The following UBE2H variants were observed in gnomAD, a reference collection of about 807,000 sequenced individuals.
UBE2H encodes the protein ubiquitin conjugating enzyme E2 H, also known as ubiquitin-conjugating enzyme E2 H.
In UBE2H, 3 loss-of-function variants were observed where a neutral mutation model predicts 29.0. That is an observed-to-expected ratio of 0.10 (90% CI 0.05 to 0.27). The LOEUF is 0.27. Ranked by LOEUF, UBE2H falls within the 10% of genes least tolerant of loss-of-function variation. The probability of loss-of-function intolerance (pLI) is 1.00; values close to 1 mark genes in which losing one functional copy is unlikely to be tolerated. For missense variants in UBE2H, 68 were observed against 228.2 expected (o/e 0.30, Z 4.52); for synonymous variants, 69 against 82.9 (o/e 0.83, Z 0.91).
At chr7:129,853,113 G>C (rs1374772862) in intron 5 of UBE2H, among the ~76,000 whole-genome samples, 2 of 152,128 alleles carry the variant, frequency 1.3e-5, no homozygotes, top group African/African-American at 4.8e-5. Flanking sequence ...CATTTGCAGG[G>C]ATCAAGCATG....
intron 1 of UBE2H, among the ~76,000 whole-genome samples, chr7:129,920,004 C>T (rs1327006024): frequency 6.6e-6 from 1 of 151,930 alleles, no homozygotes. Context: ...TTTCATCTCT[C>T]GCCAAGCTGA....
chr7:129,919,670 C>T (rs1434240489), intron 1 of UBE2H, among the ~76,000 whole-genome samples: 2 of 152,178 alleles, frequency 1.3e-5, no homozygotes, highest in Non-Finnish European at 2.9e-5. Flanking sequence ...CACATTGCAC[C>T]CCGTTGTGTG....
intron 1 of UBE2H, among the ~76,000 whole-genome samples, chr7:129,904,930 G>A (rs1188058019): frequency 6.6e-6 from 1 of 152,046 alleles, no homozygotes; most frequent in Non-Finnish European, 1.5e-5. Flanking sequence ...AAGAGGTGGT[G>A]ATGCTGGCTA....
chr7:129,879,266 TG>T (rs1477596126), intron 3 of UBE2H, among the ~76,000 whole-genome samples: 1 of 152,346 alleles, frequency 6.6e-6, no homozygotes, highest in East Asian at 1.9e-4. Flanking sequence ...ACTTAAGATA[TG>T]TTTATTATTT....
At chr7:129,878,275 C>T (rs545083839) in intron 3 of UBE2H, among the ~76,000 whole-genome samples, 15 of 152,240 alleles carry the variant, frequency 9.9e-5, no homozygotes, top group African/African-American at 3.1e-4. Context: ...CCATTCACAA[C>T]GCTGAAACTT....
At chr7:129,945,210 A>T (rs1375219635) in intron 1 of UBE2H, among the ~76,000 whole-genome samples, 1 of 152,232 alleles carries the variant, frequency 6.6e-6, no homozygotes, top group African/African-American at 2.4e-5. Context: ...TGATACATAA[A>T]ATTAAAACTT....
rs1157734822 is a variant in UBE2H, at chr7:129,952,864, C to T, written c.-309G>A. The T allele has an allele frequency of 4.4e-6, 1 of 225,354 alleles. No homozygotes were observed. The highest frequency in any genetic ancestry group is 8.6e-6 in the Non-Finnish European group (1 of 116,548). 14.0% of individuals were successfully genotyped at this position (225,354 alleles called of 1,614,324 possible). ...TCCCTCCTGCCTGCTGTGGCTCGCT[C>T]GCCTGCTCCCCACTCACCCTCTGAC... On this transcript the variant is annotated 5_prime_UTR_variant, in exon 1 of 7. Coordinates refer to ENST00000355621, the MANE Select transcript of UBE2H (RefSeq NM_003344.4).
At chr7:129,886,130 C>T (rs1479137373) in intron 1 of UBE2H, among the ~76,000 whole-genome samples, 2 of 152,154 alleles carry the variant, frequency 1.3e-5, no homozygotes, top group Non-Finnish European at 2.9e-5. Flanking sequence ...CTGGTAAAAA[C>T]TCATTAAATA....
At chr7:129,879,674 T>G (rs1277511935) in intron 2 of UBE2H, 32 bp from the exon 3 acceptor site, 2 of 1,550,738 alleles carry the variant, frequency 1.3e-6, no homozygotes, top group East Asian at 4.5e-5. Flanking sequence ...TCATCAGAAC[T>G]ACATCTCCAA....
intron 1 of UBE2H, among the ~76,000 whole-genome samples, chr7:129,882,328 C>T (rs1806272186): frequency 1.3e-5 from 2 of 152,178 alleles, no homozygotes; most frequent in Admixed American, 1.3e-4. Context: ...AGATTGGTCT[C>T]ATATTTCTCC....
chr7:129,934,991 ATG>A (rs1259308322), intron 1 of UBE2H, among the ~76,000 whole-genome samples: 13 of 150,860 alleles, frequency 8.6e-5, no homozygotes, highest in African/African-American at 2.2e-4. Flanking sequence ...GTGTATATAT[ATG>A]TGTGTGTATA....
chr7:129,912,591 G>C (rs139130401), intron 1 of UBE2H, among the ~76,000 whole-genome samples: 35 of 152,262 alleles, frequency 2.3e-4, no homozygotes, highest in Non-Finnish European at 4.0e-4. Context: ...TTCTGTACAT[G>C]AAACAAAGTT....
chr7:129,842,402 G>A (rs1805444206), intron 5 of UBE2H, among the ~76,000 whole-genome samples: 1 of 152,132 alleles, frequency 6.6e-6, no homozygotes, highest in Admixed American at 6.5e-5. Context: ...CAGTACTCCA[G>A]CCTGGGCAAG....
chr7:129,950,927 T>C (rs1165817632), intron 1 of UBE2H, among the ~76,000 whole-genome samples: 5 of 152,154 alleles, frequency 3.3e-5, no homozygotes, highest in African/African-American at 1.2e-4. Flanking sequence ...GAACATATAT[T>C]GGGTACACTA....
intron 1 of UBE2H, among the ~76,000 whole-genome samples, chr7:129,941,289 C>T (rs929261582): frequency 2.6e-4 from 39 of 151,388 alleles, no homozygotes; most frequent in Middle Eastern, 3.4e-3. Context: ...TCAAGCAATG[C>T]CCGGCTAATT....
At chr7:129,869,227 C>T (rs1160018744) in intron 3 of UBE2H, among the ~76,000 whole-genome samples, 3 of 152,034 alleles carry the variant, frequency 2.0e-5, no homozygotes, top group South Asian at 2.1e-4. Flanking sequence ...CGTGAGCCAC[C>T]GTGCCCGGCT....
At chr7:129,922,601 G>A (rs978586226) in intron 1 of UBE2H, among the ~76,000 whole-genome samples, 1 of 152,150 alleles carries the variant, frequency 6.6e-6, no homozygotes, top group Admixed American at 6.6e-5. Flanking sequence ...CTTTGAAGAT[G>A]CATGTTAAAG....
intron 3 of UBE2H, among the ~76,000 whole-genome samples, chr7:129,859,216 A>C (rs1805757840): frequency 6.6e-6 from 1 of 152,188 alleles, no homozygotes; most frequent in Non-Finnish European, 1.5e-5. Flanking sequence ...TGAGCTATGA[A>C]GGTACTGCTC....
chr7:129,874,487 T>G (rs1806105811), intron 3 of UBE2H, among the ~76,000 whole-genome samples: 1 of 152,030 alleles, frequency 6.6e-6, no homozygotes, highest in Admixed American at 6.5e-5. Flanking sequence ...TTTTTTGTAT[T>G]TTTAGTAGAG....
Sources: gnomAD v4.1 joint callset for allele counts (sites outside exome capture counted in the v4.1 genomes callset) on GRCh38, gnomAD v4.1.1 for gene constraint, MANE v1.5 for transcripts, NCBI Gene and HGNC (gene_info 2026-07-23, HGNC 2026-07-21) for gene names.